Variants in UXS1 observed in about 807,000 individuals in gnomAD.
The protein encoded by UXS1 is UDP-glucuronate decarboxylase 1.
Under a neutral mutation model 62.6 loss-of-function variants are expected in UXS1, and 33 were observed. The ratio of observed to expected loss-of-function variants is 0.53; its 90% confidence interval spans 0.40 to 0.70. UXS1 has a LOEUF of 0.70. Among genes scored for constraint, UXS1 ranks in the 30% least tolerant of loss-of-function variants. UXS1 has a pLI of 0.00. For synonymous variants in UXS1, 213 were observed against 206.8 expected (o/e 1.03, Z -0.26); for missense variants, 434 against 556.3 (o/e 0.78, Z 2.21).
intron 1 of UXS1, among the ~76,000 whole-genome samples, chr2:106,166,851 T>C (rs1350222647): frequency 6.6e-6 from 1 of 152,210 alleles, no homozygotes; most frequent in Non-Finnish European, 1.5e-5. Context: ...ATAAACAGTA[T>C]GTTCTCAACC....
intron 10 of UXS1, among the ~76,000 whole-genome samples, chr2:106,110,289 C>T (rs191185422): frequency 2.6e-5 from 4 of 152,284 alleles, no homozygotes; most frequent in East Asian, 3.9e-4. Context: ...GTCTCTGGCA[C>T]AAAAGCTTGC....
intron 6 of UXS1, among the ~76,000 whole-genome samples, chr2:106,144,933 G>C: frequency 6.6e-6 from 1 of 152,172 alleles, no homozygotes; most frequent in East Asian, 1.9e-4. Context: ...TGTACTACAG[G>C]AAAGTTACTT....
chr2:106,128,245 C>A (rs1229580881), intron 7 of UXS1, among the ~76,000 whole-genome samples: 1 of 152,144 alleles, frequency 6.6e-6, no homozygotes, highest in Non-Finnish European at 1.5e-5. Flanking sequence ...AGCAGCAGCA[C>A]CCTGTTCTGT....
intron 7 of UXS1, among the ~76,000 whole-genome samples, chr2:106,126,584 A>T (rs1041624924): frequency 1.3e-5 from 2 of 152,206 alleles, no homozygotes; most frequent in African/African-American, 4.8e-5. Context: ...TCTAGCGTGC[A>T]GCAGCCAGGG....
chr2:106,107,080 G>A (rs778739723), intron 10 of UXS1, among the ~76,000 whole-genome samples: 2 of 152,058 alleles, frequency 1.3e-5, no homozygotes, highest in Non-Finnish European at 2.9e-5. Flanking sequence ...CAACTCCCGC[G>A]TCACAGGCTC....
chr2:106,168,885 T>C (rs1203828582), intron 1 of UXS1, among the ~76,000 whole-genome samples: 1 of 152,118 alleles, frequency 6.6e-6, no homozygotes, highest in Non-Finnish European at 1.5e-5. Flanking sequence ...GTAAAATGCA[T>C]TGGGAAAAAA....
In UXS1 at chr2:106,113,231, T is replaced by C. The variant is rs184071805; in HGVS notation, c.760-466A>G. ...TAGGGAGAAATACAAGAAAGCTCTC[T>C]ATCTTAGGAAAAGGGGACACAGAAA... On this transcript the variant is annotated intron_variant, in intron 9 of 14. Transcript: ENST00000283148. Among the ~76,000 whole-genome samples, 69 of 152,344 alleles carry C rather than the reference T, an allele frequency of 4.5e-4. 1 individual carries two copies. The highest frequency in any genetic ancestry group is 1.6e-3 in the African/African-American group (66 of 41,582).
chr2:106,184,936 A>G (rs1454815139), intron 1 of UXS1, among the ~76,000 whole-genome samples: 2 of 152,226 alleles, frequency 1.3e-5, no homozygotes, highest in East Asian at 3.8e-4. Flanking sequence ...AAAACTGATT[A>G]TACTTTGCCC....
chr2:106,174,092 G>A (rs1191730913), intron 1 of UXS1, among the ~76,000 whole-genome samples: 2 of 151,992 alleles, frequency 1.3e-5, no homozygotes, highest in Non-Finnish European at 2.9e-5. Context: ...AGAGGATTGG[G>A]GGGGGCGGGG....
At position 106,101,055 on chromosome 2, in the gene UXS1, C is replaced by T; in HGVS notation, c.984+3G>A. 1 of 1,613,896 alleles carries T rather than the reference C, an allele frequency of 6.2e-7. No individual in the cohort carries two copies. The highest frequency in any genetic ancestry group is 8.5e-7 in the Non-Finnish European group (1 of 1,179,874). On this transcript the variant is annotated splice_donor_region_variant and intron_variant, in intron 12 of 14. Coordinates refer to ENST00000283148, the MANE Select transcript of UXS1 (RefSeq NM_001253875.2). ...TGCAGAGTGGAGGGAGAGGAGCACTCACCAGGTTGACCGGGCTGCTGACGT... is the reference window on the plus strand; with the variant it reads ...TGCAGAGTGGAGGGAGAGGAGCACTTACCAGGTTGACCGGGCTGCTGACGT...
intron 2 of UXS1, among the ~76,000 whole-genome samples, 181 bp downstream of exon 2, chr2:106,165,875 G>C (rs1301104693): frequency 1.3e-5 from 2 of 152,160 alleles, no homozygotes; most frequent in Admixed American, 6.5e-5. Flanking sequence ...GTTAAAATCA[G>C]CTGCATTCCT....
rs1045929612 is a variant in UXS1 at position 106,101,985 on chromosome 2, C to T, written c.924-867G>A. 5.9e-4 allele frequency: 90 copies of T among 152,182 alleles called. 1 individual carries two copies. The highest frequency in any genetic ancestry group is 2.1e-3 in the African/African-American group (86 of 41,424). 9.4% of individuals were successfully genotyped at this position (152,182 alleles called of 1,614,324 possible). On this transcript the variant is annotated intron_variant, in intron 11 of 14. Coordinates refer to ENST00000283148, the MANE Select transcript of UXS1 (RefSeq NM_001253875.2). ...TCTCCTTCTCCTCCTCCATCGTTAC[C>T]AGTGAGGAGCAGGTCACTCTGGGTC... is the stretch of plus-strand genomic sequence containing the variant.
chr2:106,093,972 A>T lies in UXS1; in HGVS notation c.*54T>A. The T allele has an allele frequency of 6.7e-7, 1 of 1,494,152 alleles. No individual in the cohort carries two copies. The highest frequency in any genetic ancestry group is 8.9e-7 in the Non-Finnish European group (1 of 1,126,650). 92.6% of individuals were successfully genotyped at this position (1,494,152 alleles called of 1,614,324 possible). On this transcript the variant is annotated 3_prime_UTR_variant, in exon 15 of 15. Coordinates refer to ENST00000283148, the MANE Select transcript of UXS1 (RefSeq NM_001253875.2). ...TTAAACGACAACAAAAAAAAGCCAA[A>T]AATACATCCCATCAAGTGTACAATG...
intron 4 of UXS1, among the ~76,000 whole-genome samples, chr2:106,161,590 A>C (rs1325771966): frequency 6.6e-6 from 1 of 152,186 alleles, no homozygotes; most frequent in Non-Finnish European, 1.5e-5. Flanking sequence ...ATGAGGTAAC[A>C]AATCTTTCCT....
chr2:106,156,257 C>T (rs1233081167), intron 5 of UXS1, among the ~76,000 whole-genome samples: 2 of 152,024 alleles, frequency 1.3e-5, no homozygotes, highest in African/African-American at 2.4e-5. Flanking sequence ...AAAGAAGATA[C>T]AGAAATGACC....
At chr2:106,104,247 A>G (rs1677858031) in intron 11 of UXS1, among the ~76,000 whole-genome samples, 1 of 152,212 alleles carries the variant, frequency 6.6e-6, no homozygotes, top group African/African-American at 2.4e-5. Context: ...TTAATCACCA[A>G]CGGAATGGAA....
At chr2:106,120,882 C>G (rs1679467916) in intron 9 of UXS1, among the ~76,000 whole-genome samples, 1 of 152,208 alleles carries the variant, frequency 6.6e-6, no homozygotes, top group Non-Finnish European at 1.5e-5. Context: ...ACCTTCCCGA[C>G]AGGGTTCACG....
At chr2:106,100,533 A>G (rs923263958) in intron 12 of UXS1, among the ~76,000 whole-genome samples, 2 of 152,246 alleles carry the variant, frequency 1.3e-5, no homozygotes, top group Non-Finnish European at 2.9e-5. Flanking sequence ...TCTGAGCAGA[A>G]GCAAGTTCAC....
intron 3 of UXS1, among the ~76,000 whole-genome samples, chr2:106,164,423 A>G (rs1683085515): frequency 6.6e-6 from 1 of 151,980 alleles, no homozygotes; most frequent in African/African-American, 2.4e-5. Flanking sequence ...TGTGCCAGTG[A>G]GAGGATGTTT....
Sources: allele counts gnomAD v4.1 joint callset (sites outside exome capture counted in the v4.1 genomes callset), GRCh38; gene constraint gnomAD v4.1.1; transcripts MANE v1.5; gene names NCBI Gene and HGNC (gene_info 2026-07-23, HGNC 2026-07-21).